Variants in NUP62 observed in about 807,000 individuals in gnomAD.
NUP62 encodes nuclear pore glycoprotein p62.
For missense variants in NUP62, 647 were observed against 689.4 expected (o/e 0.94, Z 0.69); for synonymous variants, 305 against 303.4 (o/e 1.01, Z -0.05).
intron 2 of NUP62, among the ~76,000 whole-genome samples, chr19:49,924,868 T>C (rs956857074): frequency 6.6e-6 from 1 of 151,960 alleles, no homozygotes; most frequent in African/African-American, 2.4e-5. Context: ...GGCAAAACGG[T>C]GGGGAGGGGA....
At chr19:49,926,568 T>G (rs1211461379) in intron 2 of NUP62, among the ~76,000 whole-genome samples, 2 of 152,100 alleles carry the variant, frequency 1.3e-5, no homozygotes, top group Non-Finnish European at 2.9e-5. Flanking sequence ...CCAGTCCCCA[T>G]GTACAATCTA....
At chr19:49,927,252 G>A (rs2075919653) in intron 2 of NUP62, among the ~76,000 whole-genome samples, 1 of 152,084 alleles carries the variant, frequency 6.6e-6, no homozygotes, top group African/African-American at 2.4e-5. Flanking sequence ...CTAGTAAGAG[G>A]GGTGCAGTCA....
intron 2 of NUP62, among the ~76,000 whole-genome samples, chr19:49,917,220 T>C (rs1034570796): frequency 2.0e-5 from 3 of 152,104 alleles, no homozygotes; most frequent in Non-Finnish European, 2.9e-5. Flanking sequence ...GAAATTTGAT[T>C]CCTGCTGAGG....
At chr19:49,919,824 T>C (rs959860682) in intron 2 of NUP62, among the ~76,000 whole-genome samples, 1 of 152,002 alleles carries the variant, frequency 6.6e-6, no homozygotes, top group Non-Finnish European at 1.5e-5. Context: ...CTGGAAGAGA[T>C]TTGAGGAATA....
chr19:49,909,058 A>C lies in NUP62; in HGVS notation c.750T>G (p.Thr250=). The C allele has an allele frequency of 6.2e-7, 1 of 1,612,970 alleles. No homozygotes were observed. The highest frequency in any genetic ancestry group is 8.5e-7 in the Non-Finnish European group (1 of 1,180,022). The change falls in exon 3 of 3, where the codon ACT becomes ACG. Residue 250 remains threonine (T), a synonymous_variant. Coordinates refer to ENST00000352066, the MANE Select transcript of NUP62 (RefSeq NM_016553.5). ...CTPVTTAGAP[T]AGTQGFSLKA... is the part of the protein sequence containing the mutation. ...TTAAGCTGAAGCCCTGTGTCCCAGC[A>C]GTGGGGGCGCCCGCTGTGGTCACAG...
chr19:49,908,395 C>T lies in NUP62; in HGVS notation c.1413G>A (p.Leu471=), dbSNP rs766085373. Residue 471 remains leucine (L), a synonymous_variant, in exon 3 of 3, where the codon CTG becomes CTA. Transcript: ENST00000352066. ...CATTGAGGATCTTGCAGATCTGCTG[C>T]AGTGGGTCACTGGTGTCGGCGGGGG... ...SGAPADTSDP[L]QQICKILNAH... 6 of 1,614,214 alleles carry T rather than the reference C, an allele frequency of 3.7e-6. No homozygotes were observed. Among genetic ancestry groups the T allele is most frequent in the Non-Finnish European group, 5.1e-6 (6 of 1,180,044 alleles).
At chr19:49,913,369 T>G (rs1460462464) in intron 2 of NUP62, among the ~76,000 whole-genome samples, 1 of 152,154 alleles carries the variant, frequency 6.6e-6, no homozygotes, top group Admixed American at 6.5e-5. Flanking sequence ...AAGAGCGCCT[T>G]TGTTTACCTG....
At position 49,908,351 on chromosome 19, in the gene NUP62, T is replaced by G. The variant is rs1019173023; in HGVS notation, c.1457A>C (p.Gln486Pro). Reference sequence around the variant, plus strand: ...CAGGGCCGAGTTCTGGTCGATCCACTGCAGTGAGTCCATGTGCGCATTGAG... The same window carrying G: ...CAGGGCCGAGTTCTGGTCGATCCACGGCAGTGAGTCCATGTGCGCATTGAG... Reference protein sequence around the residue: ...KILNAHMDSLQWIDQNSALLQ... With the variant: ...KILNAHMDSLPWIDQNSALLQ... The change falls in exon 3 of 3, where the codon CAG becomes CCG. Residue 486 changes from glutamine (Q) to proline (P), a missense_variant. Gln to Pro is a moderately conservative substitution (Grantham distance 76). Coordinates refer to ENST00000352066, the MANE Select transcript of NUP62 (RefSeq NM_016553.5). 1 of 1,614,070 alleles carries G rather than the reference T, an allele frequency of 6.2e-7. No individual in the cohort carries two copies. Among genetic ancestry groups the G allele is most frequent in the Non-Finnish European group, 8.5e-7 (1 of 1,180,042 alleles).
chr19:49,909,429 T>C lies in NUP62; in HGVS notation c.379A>G (p.Ser127Gly), dbSNP rs756171210. The C allele has an allele frequency of 3.1e-6, 5 of 1,613,812 alleles. No homozygotes were observed. The African/African-American group carries it at 6.7e-5, about 22-fold the overall frequency. The change falls in exon 3 of 3, where the codon AGC becomes GGC. Residue 127 changes from serine to glycine, a missense_variant. Physicochemically the swap from Ser to Gly is moderately conservative, Grantham distance 56. Transcript: ENST00000352066. ...GSSNLTNAIS[S>G]TVTSSQGTAP... ...GTGCCCTGGCTGGAGGTGACGGTGC[T>C]CGATATGGCATTAGTGAGGTTGCTG... is the stretch of plus-strand genomic sequence containing the variant.
intron 2 of NUP62, among the ~76,000 whole-genome samples, chr19:49,925,867 C>T (rs1027937527): frequency 6.6e-5 from 10 of 152,112 alleles, no homozygotes; most frequent in African/African-American, 1.7e-4. Flanking sequence ...ATCTTTGCAA[C>T]TTTTCTGTTG....
At chr19:49,920,920 T>G (rs1361748563) in intron 2 of NUP62, among the ~76,000 whole-genome samples, 8 of 151,960 alleles carry the variant, frequency 5.3e-5, no homozygotes, top group African/African-American at 1.9e-4. Context: ...GGCAGTGATG[T>G]TGGTGGGGGA....
In NUP62 at chr19:49,908,085, A is replaced by G. The variant is rs1350893825; in HGVS notation, c.*154T>C. On this transcript the variant is annotated 3_prime_UTR_variant, in exon 3 of 3. Coordinates refer to ENST00000352066, the MANE Select transcript of NUP62 (RefSeq NM_016553.5). ...GCCCAGAATACCCTCCTAAATGGAA[A>G]AACGCAAAGCACACAGCGATCATGT... is the stretch of plus-strand genomic sequence containing the variant. 6.9e-7 allele frequency: 1 copy of G among 1,456,716 alleles called. No individual in the cohort carries two copies. Among genetic ancestry groups the G allele is most frequent in the Non-Finnish European group, 9.1e-7 (1 of 1,104,424 alleles). The allele number at this position is 1,456,716 out of a possible 1,614,324, so 90.2% of individuals were successfully genotyped here.
chr19:49,920,848 G>A (rs2075749843), intron 2 of NUP62, among the ~76,000 whole-genome samples: 1 of 152,190 alleles, frequency 6.6e-6, no homozygotes, highest in South Asian at 2.1e-4. Flanking sequence ...GGGGAGGAAC[G>A]GCGCACACCT....
chr19:49,924,464 C>T (rs1360412440), intron 2 of NUP62, among the ~76,000 whole-genome samples: 2 of 152,174 alleles, frequency 1.3e-5, no homozygotes, highest in Admixed American at 6.5e-5. Flanking sequence ...TCCCCGTCCC[C>T]GTCAAACAGC....
At chr19:49,924,465 G>A (rs755562209) in intron 2 of NUP62, among the ~76,000 whole-genome samples, 11 of 152,088 alleles carry the variant, frequency 7.2e-5, no homozygotes, top group African/African-American at 1.4e-4. Context: ...CCCCGTCCCC[G>A]TCAAACAGCC....
intron 2 of NUP62, among the ~76,000 whole-genome samples, chr19:49,919,932 A>T (rs569025895): frequency 2.9e-3 from 429 of 149,960 alleles, no homozygotes; most frequent in Admixed American, 6.5e-3. Context: ...TTAAAAAAAA[A>T]TTTTTTTTTT....
At chr19:49,920,207 C>T (rs1363807450) in intron 2 of NUP62, among the ~76,000 whole-genome samples, 1 of 152,216 alleles carries the variant, frequency 6.6e-6, no homozygotes, top group African/African-American at 2.4e-5. Context: ...CTCAGCCTCC[C>T]AAGTAGCTGG....
Position 49,909,529 on chromosome 19 carries a change from A to G in NUP62, c.279T>C (p.Gly93=), listed in dbSNP as rs1438393360. Residue 93 remains glycine, a synonymous_variant, in exon 3 of 3, where the codon GGT becomes GGC. Transcript: ENST00000352066. ...TGTTGCTCAAGTTGAGCTTTGAAGC[A>G]CCGATCCCCAAAGAAAATCCAGTTC... The part of the protein sequence containing the change: ...SGGTGFSLGI[G]ASKLNLSNTA... 1 of 1,613,956 alleles carries G rather than the reference A, an allele frequency of 6.2e-7. No homozygotes were observed. Among genetic ancestry groups the G allele is most frequent in the African/African-American group, 1.3e-5 (1 of 74,874 alleles).
chr19:49,923,952 C>T (rs2075823556), intron 2 of NUP62, among the ~76,000 whole-genome samples: 1 of 152,256 alleles, frequency 6.6e-6, no homozygotes, highest in South Asian at 2.1e-4. Context: ...CCCGGTCTGT[C>T]TGATGCAAAA....
Sources: gnomAD v4.1 joint callset for allele counts (sites outside exome capture counted in the v4.1 genomes callset) on GRCh38, gnomAD v4.1.1 for gene constraint, MANE v1.5 for transcripts, NCBI Gene and HGNC (gene_info 2026-07-23, HGNC 2026-07-21) for gene names.